The following C5 variants were observed in gnomAD, a reference collection of about 807,000 sequenced individuals.
The protein encoded by C5 is complement C5.
C5 carries 140 observed loss-of-function variants against 218.8 expected under a neutral mutation model. The ratio of observed to expected loss-of-function variants is 0.64; its 90% CI spans 0.56 to 0.74. C5 has a LOEUF of 0.74. Among genes scored for constraint, C5 ranks in the 30% least tolerant of loss-of-function variants. The probability of loss-of-function intolerance (pLI) is 0.00; values close to 1 mark genes in which losing one functional copy is unlikely to be tolerated. For missense variants in C5, 1,700 were observed against 1,969.6 expected (o/e 0.86, Z 2.59); for synonymous variants, 614 against 682.3 (o/e 0.90, Z 1.56).
chr9:120,953,194 G>C (rs990650802), intron 40 of C5, among the ~76,000 whole-genome samples: 3 of 152,166 alleles, frequency 2.0e-5, no homozygotes, highest in Non-Finnish European at 4.4e-5. Context: ...ATAGTGCTGG[G>C]ATTACAGGTG....
At chr9:120,956,037 C>A (rs1009841315) in intron 39 of C5, among the ~76,000 whole-genome samples, 3 of 151,880 alleles carry the variant, frequency 2.0e-5, no homozygotes, top group African/African-American at 2.4e-5. Flanking sequence ...GGCTCACACA[C>A]GTAATCCCAG....
At chr9:121,013,556 C>T (rs1034544791) in intron 17 of C5, among the ~76,000 whole-genome samples, 1 of 152,096 alleles carries the variant, frequency 6.6e-6, no homozygotes, top group African/African-American at 2.4e-5. Flanking sequence ...ACTTGTAGAA[C>T]TCACAGGCAT....
Position 121,016,241 on chromosome 9 carries a change from C to T in C5, c.1996+13G>A. ...AATGGGATTTTCAGTAATAAACATG[C>T]TGAGCATTTTACCATTTTCTTGGGA... On this transcript the variant is annotated intron_variant, in intron 15 of 40. Transcript: ENST00000223642. 1.9e-6 allele frequency: 3 copies of T among 1,613,772 alleles called. No homozygotes were observed. The highest frequency in any genetic ancestry group is 2.5e-6 in the Non-Finnish European group (3 of 1,179,762).
chr9:120,963,110 T>C, intron 34 of C5, 143 bp from the exon 35 acceptor site: 1 of 728,314 alleles, frequency 1.4e-6, no homozygotes, highest in Non-Finnish European at 2.5e-6. Flanking sequence ...CTTGAAAAAG[T>C]CTGAACACAT....
chr9:120,981,059 C>G (rs10985113), intron 27 of C5, among the ~76,000 whole-genome samples: 18 of 152,218 alleles, frequency 1.2e-4, no homozygotes, highest in Non-Finnish European at 2.4e-4. Flanking sequence ...GGTAAATAGT[C>G]CCGATCACTA....
chr9:120,965,904 C>T (rs2046863947), intron 33 of C5, among the ~76,000 whole-genome samples: 1 of 152,204 alleles, frequency 6.6e-6, no homozygotes, highest in African/African-American at 2.4e-5. Flanking sequence ...TCAAGAAGCC[C>T]TTTGCCTGCT....
Position 121,008,469 on chromosome 9 carries a change from G to T in C5, c.2287C>A (p.Pro763Thr). 2 of 1,613,568 alleles carry T rather than the reference G, an allele frequency of 1.2e-6. No homozygotes were observed. The highest frequency in any genetic ancestry group is 1.7e-6 in the Non-Finnish European group (2 of 1,179,678). The change falls in exon 18 of 41, where the codon CCA becomes ACA. Residue 763 changes from proline to threonine, a missense_variant. Coordinates refer to ENST00000223642, the MANE Select transcript of C5 (RefSeq NM_001735.3). ...HMKTLLPVSK[P>T]EIRSYFPESW... ...TCTGGAAAATAACTCCGAATTTCTG[G>T]CTTGCTTACTGGTAACAGGGTCTTC... is the stretch of plus-strand genomic sequence containing the variant.
At chr9:121,061,054 G>C in the C5 span, among the ~76,000 whole-genome samples, 3 of 152,138 alleles carry the variant, frequency 2.0e-5, no homozygotes, top group South Asian at 4.1e-4. Flanking sequence ...TGGGTGTGGT[G>C]GTGGGCGCCT....
intron 4 of C5, among the ~76,000 whole-genome samples, chr9:121,037,654 A>G (rs1206379518): frequency 2.0e-5 from 3 of 152,100 alleles, no homozygotes; most frequent in Non-Finnish European, 4.4e-5. Context: ...TTGTACTTAA[A>G]TGGTTTAGCT....
At chr9:120,958,046 T>C (rs745478607) in intron 38 of C5, among the ~76,000 whole-genome samples, 2 of 152,230 alleles carry the variant, frequency 1.3e-5, no homozygotes, top group Non-Finnish European at 2.9e-5. Context: ...TTGCTTTTGA[T>C]CTATTTTTTG....
chr9:121,032,073 AAC>A (rs1191889809), intron 6 of C5, 38 bp downstream of exon 6: 1 of 1,334,478 alleles, frequency 7.5e-7, no homozygotes, highest in African/African-American at 1.4e-5. Context: ...AAAAACAAAA[AAC>A]AAAAAGCAAA....
intron 22 of C5, among the ~76,000 whole-genome samples, chr9:120,991,944 A>G (rs1037383863): frequency 6.6e-6 from 1 of 152,238 alleles, no homozygotes; most frequent in Non-Finnish European, 1.5e-5. Context: ...AGATGAGGAA[A>G]TTGAGGCTTA....
At chr9:121,063,645 C>T in the C5 span, among the ~76,000 whole-genome samples, 1 of 151,986 alleles carries the variant, frequency 6.6e-6, no homozygotes, top group Non-Finnish European at 1.5e-5. Context: ...AATAGAGCAA[C>T]CTGGAAAATT....
the C5 span, among the ~76,000 whole-genome samples, chr9:121,062,317 TA>T: frequency 3.3e-5 from 5 of 152,214 alleles, no homozygotes; most frequent in Non-Finnish European, 5.9e-5. Flanking sequence ...ATTGTGGACA[TA>T]AATATCGTGC....
At chr9:121,073,182 T>G in the C5 span, among the ~76,000 whole-genome samples, 8 of 152,332 alleles carry the variant, frequency 5.3e-5, no homozygotes, top group Non-Finnish European at 1.2e-4. Context: ...CACCCCAGAT[T>G]TTTGCACAAG....
intron 3 of C5, among the ~76,000 whole-genome samples, chr9:121,039,348 T>C (rs905536123): frequency 1.3e-5 from 2 of 152,150 alleles, no homozygotes; most frequent in African/African-American, 4.8e-5. Flanking sequence ...ATAAAAGATA[T>C]GGCTTATTGG....
rs2046898719 is a variant in C5 at position 120,969,995 on chromosome 9, GTTATCTA to G, written c.4162+168_4162+174del. On this transcript the variant is annotated intron_variant, in intron 32 of 40. Coordinates refer to ENST00000223642, the MANE Select transcript of C5 (RefSeq NM_001735.3). Reference sequence around the variant, plus strand: ...TATTAGCTTCCGACTATATTAAAGAGTTATCTATTGTAAAAAATGGAAGTAATATTTA... The same window carrying G: ...TATTAGCTTCCGACTATATTAAAGAGTTGTAAAAAATGGAAGTAATATTTA... Among the ~76,000 whole-genome samples, 6 of 152,214 alleles carry G rather than the reference GTTATCTA, an allele frequency of 3.9e-5. No homozygotes were observed. The South Asian group carries it at 1.2e-3, about 31-fold the overall frequency.
chr9:120,989,151 C>CT (rs745360394), intron 24 of C5, 30 bp from the exon 25 acceptor site: 4 of 1,526,230 alleles, frequency 2.6e-6, no homozygotes, highest in Non-Finnish European at 3.6e-6. Flanking sequence ...GAACACGGTG[C>CT]TTAACAGACC....
intron 17 of C5, among the ~76,000 whole-genome samples, chr9:121,011,570 T>A (rs1339895160): frequency 6.6e-6 from 1 of 152,146 alleles, no homozygotes; most frequent in African/African-American, 2.4e-5. Flanking sequence ...GTTTGGAGGT[T>A]CCTTAAAAAA....
Sources: gnomAD v4.1 joint callset for allele counts (sites outside exome capture counted in the v4.1 genomes callset) on GRCh38, gnomAD v4.1.1 for gene constraint, MANE v1.5 for transcripts, NCBI Gene and HGNC (gene_info 2026-07-23, HGNC 2026-07-21) for gene names.